NOL4: variants seen among roughly 807,000 people sequenced by gnomAD.
The protein encoded by NOL4 is cancer/testis antigen 125.
In NOL4, 17 loss-of-function variants were observed where a neutral mutation model predicts 75.9. That is an observed-to-expected ratio of 0.22 (90% CI 0.15 to 0.34). The LOEUF (loss-of-function observed/expected upper bound fraction) is 0.34. Among genes scored for constraint, NOL4 ranks in the 10% least tolerant of loss-of-function variants. The pLI, the probability that NOL4 is intolerant of heterozygous loss-of-function variation, is 1.00. For missense variants in NOL4, 614 were observed against 793.5 expected (o/e 0.77, Z 2.72); for synonymous variants, 292 against 289.9 (o/e 1.01, Z -0.07).
chr18:33,852,965 T>C lies in NOL4; in HGVS notation c.1794A>G (p.Arg598=), dbSNP rs748971908. ...SSGSSSSSNS[R]PQLSPTEINA... ...TGATTTCAGTTGGACTCAGCTGGGG[T>C]CTGGAGTTTGAGCTGCTGGAGGATC... Residue 598 remains arginine, a synonymous_variant, in exon 11 of 11, where the codon AGA becomes AGG. Coordinates refer to ENST00000261592, the MANE Select transcript of NOL4 (RefSeq NM_003787.5). 1 of 1,613,142 alleles carries C rather than the reference T, an allele frequency of 6.2e-7. No individual in the cohort carries two copies. Among genetic ancestry groups the C allele is most frequent in the Non-Finnish European group, 8.5e-7 (1 of 1,179,456 alleles).
intron 9 of NOL4, among the ~76,000 whole-genome samples, chr18:33,900,790 A>G (rs914464552): frequency 1.3e-5 from 2 of 152,190 alleles, no homozygotes; most frequent in Non-Finnish European, 2.9e-5. Flanking sequence ...AAAGTACCAA[A>G]TGTTAGCCAG....
chr18:33,970,135 T>A (rs1314470543), intron 6 of NOL4, among the ~76,000 whole-genome samples: 2 of 152,202 alleles, frequency 1.3e-5, no homozygotes, highest in Non-Finnish European at 2.9e-5. Context: ...GAGTTCTTAG[T>A]GTTTTTGTTT....
At chr18:34,114,017 T>C (rs954074737) in intron 2 of NOL4, among the ~76,000 whole-genome samples, 1 of 152,230 alleles carries the variant, frequency 6.6e-6, no homozygotes, top group Admixed American at 6.5e-5. Context: ...GTAATAGCAG[T>C]TGCAAATAAA....
chr18:34,026,446 C>T (rs889060257), intron 5 of NOL4, among the ~76,000 whole-genome samples: 6 of 152,152 alleles, frequency 3.9e-5, no homozygotes, highest in African/African-American at 1.4e-4. Context: ...CTGGCCCTTC[C>T]ACTGCTAGCT....
intron 1 of NOL4, among the ~76,000 whole-genome samples, chr18:34,182,173 A>G (rs2034095616): frequency 6.6e-6 from 1 of 151,684 alleles, no homozygotes; most frequent in African/African-American, 2.4e-5. Flanking sequence ...TCTATCAACT[A>G]ATAAATGGAT....
chr18:33,867,511 T>G, intron 10 of NOL4, among the ~76,000 whole-genome samples: 1 of 152,020 alleles, frequency 6.6e-6, no homozygotes, highest in East Asian at 1.9e-4. Context: ...TAAAATAAAT[T>G]TGTAAAAGAA....
intron 5 of NOL4, among the ~76,000 whole-genome samples, chr18:34,054,056 C>T (rs942834011): frequency 6.6e-5 from 10 of 151,904 alleles, no homozygotes; most frequent in African/African-American, 2.4e-4. Flanking sequence ...CAAATTCTCA[C>T]ATAATTATTT....
At chr18:34,084,577 T>C (rs550281234) in intron 5 of NOL4, among the ~76,000 whole-genome samples, 1 of 152,310 alleles carries the variant, frequency 6.6e-6, no homozygotes, top group Admixed American at 6.5e-5. Flanking sequence ...CCAAAGAGAA[T>C]ATGCAAGGAT....
intron 9 of NOL4, among the ~76,000 whole-genome samples, chr18:33,940,466 G>A (rs1034569857): frequency 5.9e-5 from 9 of 151,876 alleles, no homozygotes; most frequent in Non-Finnish European, 1.0e-4. Context: ...AACCAAACAC[G>A]CATGTTCTCA....
chr18:34,206,983 A>G (rs1262092912), intron 1 of NOL4, among the ~76,000 whole-genome samples: 2 of 152,014 alleles, frequency 1.3e-5, no homozygotes, highest in East Asian at 3.9e-4. Flanking sequence ...TTCATCTGCC[A>G]TCTCCATTCT....
intron 9 of NOL4, among the ~76,000 whole-genome samples, chr18:33,908,511 T>C (rs1454083004): frequency 6.6e-6 from 1 of 152,176 alleles, no homozygotes; most frequent in Non-Finnish European, 1.5e-5. Context: ...TAATTCCATC[T>C]GGATTATATA....
chr18:34,007,370 ACT>A (rs1271404996), intron 6 of NOL4, among the ~76,000 whole-genome samples: 2 of 151,942 alleles, frequency 1.3e-5, no homozygotes, highest in African/African-American at 4.8e-5. Flanking sequence ...AATAACCCAT[ACT>A]CTTCAAAAAG....
chr18:34,190,948 A>G (rs2034866274), intron 1 of NOL4, among the ~76,000 whole-genome samples: 2 of 152,116 alleles, frequency 1.3e-5, no homozygotes, highest in African/African-American at 4.8e-5. Context: ...TGACACAGCC[A>G]AAGAATCTCA....
At chr18:34,189,986 C>CATATAT (rs71379558) in intron 1 of NOL4, among the ~76,000 whole-genome samples, 1 of 148,638 alleles carries the variant, frequency 6.7e-6, no homozygotes, top group African/African-American at 2.5e-5. Flanking sequence ...TAGATATATG[C>CATATAT]ATATATATAT....
intron 10 of NOL4, among the ~76,000 whole-genome samples, chr18:33,874,251 A>C (rs2063830363): frequency 1.3e-5 from 2 of 151,938 alleles, no homozygotes; most frequent in African/African-American, 4.8e-5. Flanking sequence ...GCATGAGTAC[A>C]AAAGAAATTC....
intron 1 of NOL4, among the ~76,000 whole-genome samples, chr18:34,193,186 A>G (rs1292845447): frequency 1.3e-5 from 2 of 152,186 alleles, no homozygotes; most frequent in African/African-American, 4.8e-5. Flanking sequence ...AAAAAATTTT[A>G]TGACATTAGT....
At chr18:34,186,426 T>A (rs1234437914) in intron 1 of NOL4, among the ~76,000 whole-genome samples, 1 of 152,216 alleles carries the variant, frequency 6.6e-6, no homozygotes, top group African/African-American at 2.4e-5. Flanking sequence ...TATTCATAAC[T>A]AATTGTGTTA....
intron 6 of NOL4, among the ~76,000 whole-genome samples, chr18:34,014,976 T>C (rs888343884): frequency 6.6e-6 from 1 of 152,054 alleles, no homozygotes; most frequent in Non-Finnish European, 1.5e-5. Context: ...CTCACTGGAA[T>C]CTAAGCTTTT....
intron 6 of NOL4, among the ~76,000 whole-genome samples, chr18:33,989,457 T>C (rs566670837): frequency 7.9e-5 from 12 of 152,094 alleles, no homozygotes; most frequent in Non-Finnish European, 1.5e-4. Flanking sequence ...CAGCATCTAT[T>C]GAATGGTTAT....
Sources: gnomAD v4.1 joint callset for allele counts (sites outside exome capture counted in the v4.1 genomes callset) on GRCh38, gnomAD v4.1.1 for gene constraint, MANE v1.5 for transcripts, NCBI Gene and HGNC (gene_info 2026-07-23, HGNC 2026-07-21) for gene names.